AGBL1: variants seen among roughly 807,000 people sequenced by gnomAD.
AGBL1 encodes the protein AGBL carboxypeptidase 1, also known as cytosolic carboxypeptidase 4.
In AGBL1, 130 loss-of-function variants were observed where a neutral mutation model predicts 118.9. The ratio of observed to expected loss-of-function variants is 1.09; its 90% CI spans 0.95 to 1.26. AGBL1 has a LOEUF of 1.26. AGBL1 is among the 50% of genes most tolerant of loss of function. The pLI is 0.00. For synonymous variants in AGBL1, 555 were observed against 478.9 expected (o/e 1.16, Z -2.08); for missense variants, 1,584 against 1,298.1 (o/e 1.22, Z -3.38).
At chr15:86,855,633 C>A (rs961904704) in intron 22 of AGBL1, among the ~76,000 whole-genome samples, 1 of 152,162 alleles carries the variant, frequency 6.6e-6, no homozygotes, top group Non-Finnish European at 1.5e-5. Flanking sequence ...TGTTTAATTG[C>A]ACATCAATTA....
chr15:86,815,545 G>A lies in AGBL1; in HGVS notation c.3159-91542G>A, dbSNP rs138866241. 3.9e-5 allele frequency among the ~76,000 whole-genome samples: 6 copies of A among 152,238 alleles called. No homozygotes were observed. In the East Asian group the frequency reaches 9.7e-4, roughly 25 times the overall value. ...AGTTGGTCAGGATCACCACATTGAT[G>A]AAAACTGCACATTATCAGGAGTTAT... On this transcript the variant is annotated intron_variant, in intron 22 of 22. Transcript: ENST00000614907.
Position 87,021,844 on chromosome 15 carries a change from A to G in AGBL1, c.3324-6981A>G, listed in dbSNP as rs1412559727. On this transcript the variant is annotated intron_variant, in intron 24 of 24. Transcript: ENST00000441037. ...TGCTCCAGAACAACTGCAGGAATAA[A>G]TCAGGAAACCTGAAAGGACCCACAG... is the stretch of plus-strand genomic sequence containing the variant. Among the ~76,000 whole-genome samples, 3 of 152,228 alleles carry G rather than the reference A, an allele frequency of 2.0e-5. No homozygotes were observed. The East Asian group carries it at 5.8e-4, about 30-fold the overall frequency.
intron 21 of AGBL1, among the ~76,000 whole-genome samples, chr15:86,567,968 T>C (rs1332902158): frequency 6.6e-6 from 1 of 152,152 alleles, no homozygotes; most frequent in Non-Finnish European, 1.5e-5. Context: ...AGACAAGTTT[T>C]TGTTTTTCTT....
intron 21 of AGBL1, among the ~76,000 whole-genome samples, chr15:86,566,745 A>G (rs1448852550): frequency 1.3e-5 from 2 of 152,168 alleles, no homozygotes; most frequent in East Asian, 3.9e-4. Context: ...TTTCTCTCCA[A>G]CACACAAGTA....
intron 17 of AGBL1, among the ~76,000 whole-genome samples, chr15:86,327,873 G>T (rs2141855746): frequency 6.6e-6 from 1 of 152,298 alleles, no homozygotes; most frequent in Admixed American, 6.5e-5. Flanking sequence ...GCAATTGCCA[G>T]ATGGGGTGTG....
chr15:86,846,446 A>G (rs1235775535), intron 22 of AGBL1, among the ~76,000 whole-genome samples: 1 of 152,194 alleles, frequency 6.6e-6, no homozygotes, highest in Non-Finnish European at 1.5e-5. Flanking sequence ...TTTTGGTTAC[A>G]ATGTGTCTAT....
intron 18 of AGBL1, among the ~76,000 whole-genome samples, chr15:86,493,564 G>T (rs548820352): frequency 5.9e-5 from 9 of 152,114 alleles, no homozygotes; most frequent in South Asian, 2.1e-4. Flanking sequence ...GAATAATTGG[G>T]TCTTGATCTC....
intron 21 of AGBL1, among the ~76,000 whole-genome samples, chr15:86,569,647 C>T (rs1314894900): frequency 6.6e-6 from 1 of 152,124 alleles, no homozygotes; most frequent in Admixed American, 6.5e-5. Flanking sequence ...ATATTGTCCT[C>T]ATTCTGTTAC....
intron 1 of AGBL1, among the ~76,000 whole-genome samples, chr15:86,119,655 T>TTGTGTGTGTGTG (rs59997626): frequency 2.7e-5 from 4 of 148,690 alleles, no homozygotes; most frequent in South Asian, 4.3e-4. Flanking sequence ...GAAAAGTAGT[T>TTGTGTGTGTGTG]TGTGTGTGTG....
intron 19 of AGBL1, among the ~76,000 whole-genome samples, chr15:86,528,323 C>G (rs374076669): frequency 6.6e-6 from 1 of 152,232 alleles, no homozygotes; most frequent in African/African-American, 2.4e-5. Flanking sequence ...GGAGTTCCCT[C>G]TCCGAGTCAA....
intron 21 of AGBL1, among the ~76,000 whole-genome samples, chr15:86,589,014 CATAT>C (rs201819932): frequency 2.0e-5 from 3 of 150,578 alleles, no homozygotes; most frequent in African/African-American, 7.3e-5. Context: ...TCAGAATCTT[CATAT>C]ATATATATAT....
At chr15:86,936,401 T>G (rs962182352) in intron 23 of AGBL1, among the ~76,000 whole-genome samples, 1 of 152,152 alleles carries the variant, frequency 6.6e-6, no homozygotes, top group Non-Finnish European at 1.5e-5. Context: ...CATTATCTGG[T>G]GTATATTGAC....
intron 21 of AGBL1, among the ~76,000 whole-genome samples, chr15:86,625,564 C>T (rs2255780): frequency 0.56 from 84,725 of 150,956 alleles, 23,854 homozygotes; most frequent in Middle Eastern, 0.65. Flanking sequence ...AACTGAGTTT[C>T]AGACATGATG....
chr15:86,718,046 C>A (rs1596401120), intron 22 of AGBL1, among the ~76,000 whole-genome samples: 1 of 152,034 alleles, frequency 6.6e-6, no homozygotes, highest in African/African-American at 2.4e-5. Flanking sequence ...CCACTGCACT[C>A]CAGACTCCAG....
At chr15:86,525,531 T>G (rs2083251478) in intron 19 of AGBL1, among the ~76,000 whole-genome samples, 1 of 152,086 alleles carries the variant, frequency 6.6e-6, no homozygotes, top group Non-Finnish European at 1.5e-5. Context: ...GGTATAAAAG[T>G]AGGCACATAG....
intron 17 of AGBL1, among the ~76,000 whole-genome samples, chr15:86,355,012 T>TG (rs201338938): frequency 1.3e-5 from 2 of 152,166 alleles, no homozygotes; most frequent in East Asian, 3.9e-4. Flanking sequence ...AGCAAGAGAA[T>TG]GGGGACTTCA....
In AGBL1 at chr15:86,158,939, TGGGA is replaced by T; in HGVS notation, c.403_406del (p.Gly135ProfsTer38). On this transcript the variant is annotated frameshift_variant, in exon 5 of 23. Transcript: ENST00000614907. LOFTEE classifies it high-confidence loss of function. ...GTGCTTTTGTTTTTCTTAGTCTCCA[TGGGA>T]GCCATGCTGGGAATTAATGGAGCCA... The T allele has an allele frequency of 6.2e-7, 1 of 1,613,252 alleles. No individual in the cohort carries two copies. The highest frequency in any genetic ancestry group is 8.5e-7 in the Non-Finnish European group (1 of 1,179,344).
In AGBL1 at chr15:86,538,828, C is replaced by T. The variant is rs570635162; in HGVS notation, c.2686-7174C>T. Among the ~76,000 whole-genome samples, 16 of 152,238 alleles carry T rather than the reference C, an allele frequency of 1.1e-4. No individual in the cohort carries two copies. In the East Asian group the frequency reaches 1.2e-3, roughly 11 times the overall value. On this transcript the variant is annotated intron_variant, in intron 19 of 22. Transcript: ENST00000614907. ...AGGTGAGCCCTGGGGAAAAGGGGAA[C>T]GGCTAAGGGAGAGGTGTTTGAGAGG...
At chr15:86,593,086 T>G (rs1486709725) in intron 21 of AGBL1, among the ~76,000 whole-genome samples, 1 of 152,172 alleles carries the variant, frequency 6.6e-6, no homozygotes, top group Non-Finnish European at 1.5e-5. Flanking sequence ...CATCAATGGG[T>G]TATAGTCTAC....
Sources: gnomAD v4.1 joint callset for allele counts (sites outside exome capture counted in the v4.1 genomes callset) on GRCh38, gnomAD v4.1.1 for gene constraint, MANE v1.5 for transcripts, NCBI Gene and HGNC (gene_info 2026-07-23, HGNC 2026-07-21) for gene names.